SKAP1: variants seen among roughly 807,000 people sequenced by gnomAD.
SKAP1 encodes src kinase-associated phosphoprotein 1.
In SKAP1, 44 loss-of-function variants were observed where a neutral mutation model predicts 58.5. That is an observed-to-expected ratio of 0.75 (90% confidence interval 0.59 to 0.97). The LOEUF (loss-of-function observed/expected upper bound fraction) is 0.97, where lower values mean the gene tolerates loss of function less well. Ranked by LOEUF, SKAP1 falls within the 50% of genes least tolerant of loss-of-function variation. SKAP1 has a pLI of 0.00. For missense variants in SKAP1, 390 were observed against 435.2 expected (o/e 0.90, Z 0.92); for synonymous variants, 127 against 149.7 (o/e 0.85, Z 1.11).
intron 4 of SKAP1, chr17:48,193,823 G>T: frequency 1.4e-6 from 1 of 699,570 alleles, no homozygotes; most frequent in South Asian, 6.4e-5. Context: ...ATAATAGAAA[G>T]TATGTAAAAT....
At chr17:48,430,929 T>C (rs1380263550), upstream of SKAP1, among the ~76,000 whole-genome samples, 1 of 152,128 alleles carries the variant, frequency 6.6e-6, no homozygotes, top group Non-Finnish European at 1.5e-5. Flanking sequence ...CAAGGGACAG[T>C]TGGTGTCAGT....
rs1324663807 is a variant in SKAP1, at chr17:48,184,735, C to T, written c.555G>A (p.Arg185=). The T allele has an allele frequency of 5.6e-6, 9 of 1,614,052 alleles. No individual in the cohort carries two copies. The East Asian group carries it at 2.0e-4, about 36-fold the overall frequency. Residue 185 remains arginine, a synonymous_variant, in exon 7 of 13, where the codon AGG becomes AGA. Transcript: ENST00000336915. ...ESCFELTSQD[R]RSYEFTATSP... The stretch of plus-strand genomic sequence containing the variant: ...TGATGCGTCCTACCTCATAGCTGCG[C>T]CTATCCTGGGAGGTCAGTTCAAAGC...
chr17:48,333,416 G>C (rs931692859), intron 4 of SKAP1, among the ~76,000 whole-genome samples: 2 of 152,084 alleles, frequency 1.3e-5, no homozygotes, highest in Non-Finnish European at 2.9e-5. Flanking sequence ...ATTTATTTTT[G>C]CCAGATCTAG....
upstream of SKAP1, among the ~76,000 whole-genome samples, chr17:48,432,478 C>T (rs1057379157): frequency 6.6e-6 from 1 of 151,806 alleles, no homozygotes; most frequent in African/African-American, 2.4e-5. Flanking sequence ...GGCAGACTAC[C>T]CCTTTCAGGC....
intron 3 of SKAP1, among the ~76,000 whole-genome samples, chr17:48,354,547 G>A (rs898545786): frequency 2.0e-5 from 3 of 152,158 alleles, no homozygotes; most frequent in African/African-American, 7.2e-5. Context: ...GACAAGGACC[G>A]ATAGGGTTCA....
intron 4 of SKAP1, among the ~76,000 whole-genome samples, chr17:48,297,185 A>G (rs1164027881): frequency 6.6e-6 from 1 of 152,018 alleles, no homozygotes; most frequent in African/African-American, 2.4e-5. Flanking sequence ...TCTTTCACCT[A>G]CTCTAAGTCT....
chr17:48,381,870 T>C (rs114878079), intron 2 of SKAP1, among the ~76,000 whole-genome samples: 3,288 of 152,332 alleles, frequency 0.022, 106 homozygotes, highest in African/African-American at 0.073. Context: ...ACATAGTATA[T>C]GTTCAATAAA....
At chr17:48,443,193 T>C in the SKAP1 span, among the ~76,000 whole-genome samples, 1 of 152,222 alleles carries the variant, frequency 6.6e-6, no homozygotes, top group African/African-American at 2.4e-5. Context: ...CTGGGTTATA[T>C]TTCCCTCTCC....
At chr17:48,257,592 C>T (rs1427674468) in intron 4 of SKAP1, among the ~76,000 whole-genome samples, 1 of 148,312 alleles carries the variant, frequency 6.7e-6, no homozygotes, top group East Asian at 2.0e-4. Flanking sequence ...TGGTTAGCAG[C>T]TTAATATACT....
chr17:48,268,548 G>C (rs2065585454), intron 4 of SKAP1, among the ~76,000 whole-genome samples: 1 of 152,048 alleles, frequency 6.6e-6, no homozygotes, highest in African/African-American at 2.4e-5. Flanking sequence ...CTGGAGTGCA[G>C]TGGCGTGATC....
chr17:48,282,536 G>A (rs1348289919), intron 4 of SKAP1, among the ~76,000 whole-genome samples: 2 of 152,292 alleles, frequency 1.3e-5, no homozygotes, highest in Admixed American at 6.5e-5. Flanking sequence ...CACTTTGGGA[G>A]GCCAAGGCAG....
chr17:48,168,997 TAA>T (rs980336717), intron 10 of SKAP1, among the ~76,000 whole-genome samples: 13 of 152,170 alleles, frequency 8.5e-5, no homozygotes, highest in African/African-American at 2.7e-4. Flanking sequence ...TTTTAATCAC[TAA>T]GTCACCAATC....
Position 48,182,266 on chromosome 17 carries a change from T to G in SKAP1, c.631+128A>C, listed in dbSNP as rs1598403034. ...CTATTTGTTGTTGTAATATGGGGAA[T>G]GTGGTAGGAAAGGTAGAGGTGAGAA... On this transcript the variant is annotated intron_variant, in intron 8 of 12. Coordinates refer to ENST00000336915, the MANE Select transcript of SKAP1 (RefSeq NM_003726.4). 4.5e-6 allele frequency: 3 copies of G among 667,518 alleles called. No homozygotes were observed. The East Asian group carries it at 8.0e-5, about 18-fold the overall frequency. The allele number at this position is 667,518 out of a possible 1,614,324, so 41.3% of individuals were successfully genotyped here.
At chr17:48,391,043 C>G (rs1467182877) in intron 2 of SKAP1, among the ~76,000 whole-genome samples, 1 of 152,114 alleles carries the variant, frequency 6.6e-6, no homozygotes, top group Non-Finnish European at 1.5e-5. Context: ...GCACTCCAGT[C>G]TGGGTGACAG....
chr17:48,312,616 A>G (rs1412219205), intron 4 of SKAP1, among the ~76,000 whole-genome samples: 1 of 152,184 alleles, frequency 6.6e-6, no homozygotes, highest in South Asian at 2.1e-4. Flanking sequence ...GAAGTTCTAC[A>G]TGCATTAAAA....
intron 4 of SKAP1, among the ~76,000 whole-genome samples, chr17:48,287,402 C>T (rs1017078526): frequency 2.6e-5 from 4 of 151,718 alleles, no homozygotes; most frequent in African/African-American, 4.8e-5. Context: ...TATTATATAT[C>T]GTTCCAAGAT....
intron 4 of SKAP1, among the ~76,000 whole-genome samples, chr17:48,342,716 T>A (rs1263269220): frequency 6.6e-6 from 1 of 152,216 alleles, no homozygotes; most frequent in Non-Finnish European, 1.5e-5. Context: ...ATAACTGTCA[T>A]TACAAAGAAT....
chr17:48,240,316 T>C (rs1321069171), intron 4 of SKAP1, among the ~76,000 whole-genome samples: 1 of 152,106 alleles, frequency 6.6e-6, no homozygotes, highest in Non-Finnish European at 1.5e-5. Flanking sequence ...TAATAAGATT[T>C]TATGGGAGTG....
At chr17:48,280,333 G>A (rs2065750854) in intron 4 of SKAP1, among the ~76,000 whole-genome samples, 1 of 151,962 alleles carries the variant, frequency 6.6e-6, no homozygotes, top group Non-Finnish European at 1.5e-5. Flanking sequence ...AGCTGGCTGT[G>A]GTGGTGGGCG....
Sources: allele counts gnomAD v4.1 joint callset (sites outside exome capture counted in the v4.1 genomes callset), GRCh38; gene constraint gnomAD v4.1.1; transcripts MANE v1.5; gene names NCBI Gene and HGNC (gene_info 2026-07-23, HGNC 2026-07-21).